The following HS3ST2 variants were observed in gnomAD, a reference collection of about 807,000 sequenced individuals.
HS3ST2 encodes heparan sulfate glucosamine 3-O-sulfotransferase 2.
HS3ST2 carries 17 observed loss-of-function variants against 26.3 expected under a neutral mutation model. The observed-to-expected ratio is 0.65, with a 90% CI of 0.44 to 0.97. HS3ST2 has a LOEUF of 0.97. Ranked by LOEUF, HS3ST2 falls within the 50% of genes least tolerant of loss-of-function variation. HS3ST2 has a pLI of 0.00. For synonymous variants in HS3ST2, 237 were observed against 219.2 expected (o/e 1.08, Z -0.72); for missense variants, 402 against 501.2 (o/e 0.80, Z 1.89).
chr16:22,839,195 A>G (rs1901316944), intron 1 of HS3ST2, among the ~76,000 whole-genome samples: 1 of 152,210 alleles, frequency 6.6e-6, no homozygotes, highest in Non-Finnish European at 1.5e-5. Flanking sequence ...AAGATTGATA[A>G]ATATTTGTCG....
chr16:22,854,488 C>T (rs1464191782), intron 1 of HS3ST2, among the ~76,000 whole-genome samples: 1 of 152,070 alleles, frequency 6.6e-6, no homozygotes, highest in Non-Finnish European at 1.5e-5. Context: ...CACAGATATA[C>T]ATTTTCTATG....
At chr16:22,857,055 A>C (rs1465189251) in intron 1 of HS3ST2, among the ~76,000 whole-genome samples, 1 of 152,168 alleles carries the variant, frequency 6.6e-6, no homozygotes, top group Non-Finnish European at 1.5e-5. Context: ...TCATCTTTCC[A>C]GCAACCCCAC....
intron 1 of HS3ST2, among the ~76,000 whole-genome samples, chr16:22,856,193 T>C (rs894942228): frequency 1.3e-5 from 2 of 152,332 alleles, no homozygotes; most frequent in Non-Finnish European, 2.9e-5. Context: ...GGTTTTGTAC[T>C]GCACAACCAT....
intron 1 of HS3ST2, among the ~76,000 whole-genome samples, chr16:22,835,709 G>C (rs1268825627): frequency 6.6e-6 from 1 of 152,138 alleles, no homozygotes; most frequent in African/African-American, 2.4e-5. Flanking sequence ...AGTTAAAATT[G>C]CAGCTGTCAG....
intron 1 of HS3ST2, among the ~76,000 whole-genome samples, chr16:22,827,854 C>T (rs1157775129): frequency 6.6e-6 from 1 of 151,612 alleles, no homozygotes; most frequent in African/African-American, 2.4e-5. Flanking sequence ...AAACTACGGG[C>T]ATGAGGCACC....
At chr16:22,875,242 G>C (rs534308128) in intron 1 of HS3ST2, among the ~76,000 whole-genome samples, 4 of 152,138 alleles carry the variant, frequency 2.6e-5, no homozygotes, top group South Asian at 2.1e-4. Flanking sequence ...AAGATATTGA[G>C]CTAAGCGTTA....
chr16:22,892,185 G>T (rs1005578964), intron 1 of HS3ST2, among the ~76,000 whole-genome samples: 4 of 151,532 alleles, frequency 2.6e-5, no homozygotes, highest in Admixed American at 6.6e-5. Flanking sequence ...AGCTACTCAG[G>T]AGGCTGAGGC....
At chr16:22,817,221 C>T (rs1900883296) in intron 1 of HS3ST2, among the ~76,000 whole-genome samples, 1 of 152,102 alleles carries the variant, frequency 6.6e-6, no homozygotes, top group African/African-American at 2.4e-5. Flanking sequence ...TCTCTCTTCT[C>T]TCCCCCTCTA....
chr16:22,883,493 T>A (rs1309100743), intron 1 of HS3ST2, among the ~76,000 whole-genome samples: 1 of 152,242 alleles, frequency 6.6e-6, no homozygotes, highest in Non-Finnish European at 1.5e-5. Context: ...GTAGGGTGGG[T>A]AGGAAGTCCA....
At chr16:22,862,000 G>C (rs1456008988) in intron 1 of HS3ST2, among the ~76,000 whole-genome samples, 1 of 152,196 alleles carries the variant, frequency 6.6e-6, no homozygotes, top group Non-Finnish European at 1.5e-5. Context: ...ATAAAGAAAA[G>C]TAAATGTACT....
At position 22,902,620 on chromosome 16, in the gene HS3ST2, T is replaced by C. The variant is rs146273330; in HGVS notation, c.486-12324T>C. ...ATTTTACATTTTGATAGATAATATA[T>C]AATTGTCTTCCTAAAGACTGCATCA... is the stretch of plus-strand genomic sequence containing the variant. On this transcript the variant is annotated intron_variant, in intron 1 of 1. Transcript: ENST00000261374. Among the ~76,000 whole-genome samples the C allele has an allele frequency of 8.4e-3, 1,277 of 152,350 alleles. 21 individuals are homozygous for C. Among genetic ancestry groups the C allele is most frequent in the African/African-American group, 0.029 (1,201 of 41,572 alleles).
intron 1 of HS3ST2, among the ~76,000 whole-genome samples, chr16:22,858,680 C>T (rs1901635394): frequency 6.6e-6 from 1 of 152,060 alleles, no homozygotes; most frequent in Non-Finnish European, 1.5e-5. Flanking sequence ...GTTCAAGTCC[C>T]AGCTTTGTAC....
At chr16:22,882,595 A>G (rs894284038) in intron 1 of HS3ST2, among the ~76,000 whole-genome samples, 1 of 152,124 alleles carries the variant, frequency 6.6e-6, no homozygotes, top group Non-Finnish European at 1.5e-5. Context: ...TTAGCCGGGC[A>G]TGGTGGCATG....
chr16:22,855,391 A>C (rs936176543), intron 1 of HS3ST2, among the ~76,000 whole-genome samples: 4 of 152,148 alleles, frequency 2.6e-5, no homozygotes, highest in Non-Finnish European at 5.9e-5. Context: ...TGACTTCTCC[A>C]CATTTGACAA....
At chr16:22,857,514 T>C (rs1408320385) in intron 1 of HS3ST2, among the ~76,000 whole-genome samples, 1 of 152,224 alleles carries the variant, frequency 6.6e-6, no homozygotes, top group Admixed American at 6.5e-5. Flanking sequence ...AAAAATTCAC[T>C]TACAAGTTTG....
intron 1 of HS3ST2, among the ~76,000 whole-genome samples, chr16:22,827,970 G>T (rs910235158): frequency 2.6e-5 from 4 of 151,842 alleles, no homozygotes; most frequent in Non-Finnish European, 5.9e-5. Flanking sequence ...GCTTCCCTAA[G>T]TGCTAGGATT....
chr16:22,840,938 A>G lies in HS3ST2; in HGVS notation c.485+25843A>G, dbSNP rs564414590. The stretch of plus-strand genomic sequence containing the variant: ...ATTAACTCGTCATTTAACATTAGGT[A>G]TATCTCCTAATGCTATTCCTCCCCC... On this transcript the variant is annotated intron_variant, in intron 1 of 1. Coordinates refer to ENST00000261374, the MANE Select transcript of HS3ST2 (RefSeq NM_006043.2). 4.0e-5 allele frequency among the ~76,000 whole-genome samples: 6 copies of G among 150,432 alleles called. No individual in the cohort carries two copies. The East Asian group carries it at 6.0e-4, about 15-fold the overall frequency.
chr16:22,818,666 TCCTTCCTTCCTCCCTCCCTCCTTGCCTG>T lies in HS3ST2; in HGVS notation c.485+3583_485+3610del, dbSNP rs1287848812. ...CCTTTCCCTTCTCCTTTTCCTTCCTTCCTTCCTTCCTCCCTCCCTCCTTGCCTGCCTTCCTTCCTTCCCTCCTTCCTTC... is the reference window on the plus strand; with the variant it reads ...CCTTTCCCTTCTCCTTTTCCTTCCTTCCTTCCTTCCTTCCCTCCTTCCTTC... On this transcript the variant is annotated intron_variant, in intron 1 of 1. Coordinates refer to ENST00000261374, the MANE Select transcript of HS3ST2 (RefSeq NM_006043.2). Among the ~76,000 whole-genome samples, 367 of 145,056 alleles carry T rather than the reference TCCTTCCTTCCTCCCTCCCTCCTTGCCTG, an allele frequency of 2.5e-3. 50 individuals carry two copies. Among genetic ancestry groups the T allele is most frequent in the African/African-American group, 9.6e-3 (346 of 36,216 alleles).
At chr16:22,840,728 C>T (rs1368936034) in intron 1 of HS3ST2, among the ~76,000 whole-genome samples, 1 of 152,130 alleles carries the variant, frequency 6.6e-6, no homozygotes, top group African/African-American at 2.4e-5. Flanking sequence ...ATCATTTTCT[C>T]CATGACCATC....
Sources: allele counts gnomAD v4.1 joint callset (sites outside exome capture counted in the v4.1 genomes callset), GRCh38; gene constraint gnomAD v4.1.1; transcripts MANE v1.5; gene names NCBI Gene and HGNC (gene_info 2026-07-23, HGNC 2026-07-21).